The following RASGEF1B variants were observed in gnomAD, a reference collection of about 807,000 sequenced individuals.
RASGEF1B encodes the protein RasGEF domain family member 1B, also known as ras-GEF domain-containing family member 1B.
RASGEF1B carries 30 observed loss-of-function variants against 65.7 expected under a neutral mutation model. The observed-to-expected ratio is 0.46, with a 90% CI of 0.34 to 0.62. The LOEUF (loss-of-function observed/expected upper bound fraction) is 0.62. Ranked by LOEUF, RASGEF1B falls within the 20% of genes least tolerant of loss-of-function variation. RASGEF1B has a pLI of 0.01. For synonymous variants in RASGEF1B, 175 were observed against 194.8 expected (o/e 0.90, Z 0.85); for missense variants, 495 against 580.1 (o/e 0.85, Z 1.51).
Position 81,429,266 on chromosome 4 carries a change from G to C in RASGEF1B, c.1398-1474C>G, listed in dbSNP as rs1206628842. Reference sequence around the variant, plus strand: ...GGAGCTGGGCCATGAGAACAGACAGGATATGGAAAAGGCAGAGTGTGTGGC... The same window carrying C: ...GGAGCTGGGCCATGAGAACAGACAGCATATGGAAAAGGCAGAGTGTGTGGC... On this transcript the variant is annotated intron_variant, in intron 13 of 13. Transcript: ENST00000264400. Among the ~76,000 whole-genome samples the C allele has an allele frequency of 2.0e-5, 3 of 152,160 alleles. No homozygotes were observed. In the East Asian group the frequency reaches 5.8e-4, roughly 29 times the overall value.
intron 6 of RASGEF1B, among the ~76,000 whole-genome samples, chr4:81,447,265 A>G (rs555268811): frequency 4.6e-5 from 7 of 152,256 alleles, no homozygotes; most frequent in Admixed American, 4.6e-4. Flanking sequence ...GTCTTACTAA[A>G]TTTCCCAATA....
At chr4:81,466,826 A>G (rs569294790) in intron 1 of RASGEF1B, among the ~76,000 whole-genome samples, 1 of 93,220 alleles carries the variant, frequency 1.1e-5, no homozygotes, top group Admixed American at 1.0e-4. Context: ...AAGAAAGAAA[A>G]TTTCCAGATT....
At chr4:81,429,726 C>T (rs532802775) in intron 13 of RASGEF1B, among the ~76,000 whole-genome samples, 4 of 152,200 alleles carry the variant, frequency 2.6e-5, no homozygotes, top group Non-Finnish European at 4.4e-5. Context: ...TAGAAGGGCA[C>T]GCCGGCAGGG....
intron 4 of RASGEF1B, among the ~76,000 whole-genome samples, chr4:81,450,196 T>G (rs1722204803): frequency 6.6e-6 from 1 of 152,134 alleles, no homozygotes; most frequent in African/African-American, 2.4e-5. Flanking sequence ...TTCCCCCTCC[T>G]CTTTTAATTT....
intron 13 of RASGEF1B, among the ~76,000 whole-genome samples, chr4:81,429,743 G>A (rs1267974140): frequency 2.6e-5 from 4 of 152,126 alleles, no homozygotes; most frequent in African/African-American, 9.7e-5. Context: ...AGGGCACACC[G>A]AAAGATGCCA....
chr4:81,470,971 C>T (rs1318650955), intron 1 of RASGEF1B: 1 of 152,296 alleles, frequency 6.6e-6, no homozygotes. Flanking sequence ...TTCACAGCTC[C>T]CTTAGAAAGA....
intron 10 of RASGEF1B, among the ~76,000 whole-genome samples, chr4:81,439,871 A>C (rs527583703): frequency 2.0e-5 from 3 of 152,322 alleles, no homozygotes; most frequent in African/African-American, 7.2e-5. Flanking sequence ...AATTTGAAGT[A>C]TTTACAATAT....
chr4:81,447,985 C>A, intron 5 of RASGEF1B, 84 bp downstream of exon 5: 1 of 1,125,246 alleles, frequency 8.9e-7, no homozygotes, highest in Non-Finnish European at 1.3e-6. Flanking sequence ...TCTCCTGTGA[C>A]ATTACCGCTG....
chr4:81,435,350 GC>G (rs1341232108), intron 10 of RASGEF1B, among the ~76,000 whole-genome samples: 7 of 142,058 alleles, frequency 4.9e-5, no homozygotes, highest in African/African-American at 1.9e-4. Context: ...AGCGGAGCTT[GC>G]AGTGAGCCGA....
chr4:81,436,066 G>A (rs1033462234), intron 10 of RASGEF1B, among the ~76,000 whole-genome samples: 3 of 152,092 alleles, frequency 2.0e-5, no homozygotes, highest in Non-Finnish European at 4.4e-5. Context: ...ACAGGCATGA[G>A]CCACCAAGCC....
At chr4:81,433,101 C>T (rs146661775) in intron 12 of RASGEF1B, among the ~76,000 whole-genome samples, 20 of 150,700 alleles carry the variant, frequency 1.3e-4, no homozygotes, top group Middle Eastern at 3.4e-3. Flanking sequence ...TGGTGGTGCA[C>T]GCCCGTACTC....
chr4:81,431,266 T>TAA (rs1230145483), intron 13 of RASGEF1B, among the ~76,000 whole-genome samples: 3 of 148,736 alleles, frequency 2.0e-5, no homozygotes, highest in Non-Finnish European at 3.0e-5. Context: ...TATATATATA[T>TAA]AATTAGTCAA....
In RASGEF1B at chr4:81,445,760, C is replaced by T; in HGVS notation, c.808G>A (p.Ala270Thr). Residue 270 changes from alanine to threonine, a missense_variant, in exon 7 of 14, where the codon GCT (alanine) becomes ACT (threonine). Ala to Thr is a moderately conservative substitution (Grantham distance 58). Transcript: ENST00000264400. ...EWFNRLSYLV[A>T]TEICMPVKKK... ...TTCCTCACCATACAGATTTCTGTAGCAACCAAGTAGCTGAGGCGATTAAAC... is the reference window on the plus strand; with the variant it reads ...TTCCTCACCATACAGATTTCTGTAGTAACCAAGTAGCTGAGGCGATTAAAC... 4 of 1,613,716 alleles carry T rather than the reference C, an allele frequency of 2.5e-6. No individual in the cohort carries two copies. The highest frequency in any genetic ancestry group is 3.4e-6 in the Non-Finnish European group (4 of 1,179,678).
At chr4:81,456,319 C>A in intron 4 of RASGEF1B, 1 of 585,538 alleles carries the variant, frequency 1.7e-6, no homozygotes, top group East Asian at 2.8e-5. Context: ...TGCCATTTAT[C>A]ATCTAACTAG....
intron 4 of RASGEF1B, among the ~76,000 whole-genome samples, chr4:81,449,759 G>A (rs1722182164): frequency 6.6e-6 from 1 of 152,130 alleles, no homozygotes; most frequent in South Asian, 2.1e-4. Context: ...TTTTTTTATA[G>A]AGGCAATTTT....
In RASGEF1B at chr4:81,448,075, T is replaced by C; in HGVS notation, c.648A>G (p.Ile216Met). Residue 216 changes from isoleucine (I) to methionine (M), a missense_variant, in exon 5 of 14, where the codon ATA becomes ATG. Ile to Met is a conservative substitution (Grantham distance 10). Coordinates refer to ENST00000264400, the MANE Select transcript of RASGEF1B (RefSeq NM_152545.3). Reference sequence around the variant, plus strand: ...ATGATGATAACGGCCTTACCAGCTCTATATGAGTCAGCTGCTGGGCCAACG... The same window carrying C: ...ATGATGATAACGGCCTTACCAGCTCCATATGAGTCAGCTGCTGGGCCAACG... Reference protein sequence around the residue: ...PYTLAQQLTHIELERLNYIGP... With the variant: ...PYTLAQQLTHMELERLNYIGP... The C allele has an allele frequency of 6.2e-7, 1 of 1,613,754 alleles. No homozygotes were observed. Among genetic ancestry groups the C allele is most frequent in the South Asian group, 1.1e-5 (1 of 91,066 alleles).
At chr4:81,432,043 C>T (rs1482956070) in intron 13 of RASGEF1B, among the ~76,000 whole-genome samples, 1 of 152,130 alleles carries the variant, frequency 6.6e-6, no homozygotes, top group Non-Finnish European at 1.5e-5. Context: ...TACTATGGCT[C>T]AGTTCCTCAT....
At chr4:81,466,966 GTATT>G (rs1722862663) in intron 1 of RASGEF1B, among the ~76,000 whole-genome samples, 1 of 143,898 alleles carries the variant, frequency 6.9e-6, no homozygotes, top group Non-Finnish European at 1.5e-5. Context: ...GAAAAAAAAG[GTATT>G]GTATTGAGAG....
At chr4:81,435,446 T>A (rs1578613289) in intron 10 of RASGEF1B, among the ~76,000 whole-genome samples, 1 of 135,802 alleles carries the variant, frequency 7.4e-6, no homozygotes, top group Non-Finnish European at 1.6e-5. Context: ...AAAGAATACC[T>A]ATCATTGCAG....
Sources: allele counts gnomAD v4.1 joint callset (sites outside exome capture counted in the v4.1 genomes callset), GRCh38; gene constraint gnomAD v4.1.1; transcripts MANE v1.5; gene names NCBI Gene and HGNC (gene_info 2026-07-23, HGNC 2026-07-21).